GRIA1: variants seen among roughly 807,000 people sequenced by gnomAD.
GRIA1 encodes the protein glutamate receptor 1.
GRIA1 carries 31 observed loss-of-function variants against 99.2 expected under a neutral mutation model. The ratio of observed to expected loss-of-function variants is 0.31; its 90% CI spans 0.23 to 0.42. GRIA1 has a LOEUF of 0.42. Among genes scored for constraint, GRIA1 ranks in the 10% least tolerant of loss-of-function variants. The probability of loss-of-function intolerance (pLI) is 1.00; values close to 1 mark genes in which losing one functional copy is unlikely to be tolerated. For missense variants in GRIA1, 782 were observed against 1,157.5 expected (o/e 0.68, Z 4.71); for synonymous variants, 438 against 432.4 (o/e 1.01, Z -0.16).
At chr5:153,633,807 G>T (rs1753146243) in intron 2 of GRIA1, among the ~76,000 whole-genome samples, 1 of 152,126 alleles carries the variant, frequency 6.6e-6, no homozygotes, top group Non-Finnish European at 1.5e-5. Context: ...CAGCTTACTT[G>T]GTCATTTATG....
At chr5:153,777,399 C>G (rs1428177198) in intron 13 of GRIA1, among the ~76,000 whole-genome samples, 4 of 152,146 alleles carry the variant, frequency 2.6e-5, no homozygotes, top group Non-Finnish European at 5.9e-5. Context: ...GTATAAGGCC[C>G]GTTACCTTGC....
intron 14 of GRIA1, 22 bp downstream of exon 14, chr5:153,794,757 A>T: frequency 1.4e-6 from 2 of 1,458,374 alleles, no homozygotes; most frequent in Middle Eastern, 3.5e-4. Context: ...TAAGAAAAAA[A>T]AAAACCTAGT....
chr5:153,680,379 G>A (rs973681292), intron 7 of GRIA1, among the ~76,000 whole-genome samples: 1 of 152,106 alleles, frequency 6.6e-6, no homozygotes, highest in African/African-American at 2.4e-5. Context: ...ATGCTCATAT[G>A]TCGCCTTCTG....
intron 2 of GRIA1, among the ~76,000 whole-genome samples, chr5:153,522,392 G>A (rs1236627789): frequency 2.0e-5 from 3 of 152,158 alleles, no homozygotes; most frequent in Admixed American, 2.0e-4. Flanking sequence ...TTTGATGAAT[G>A]GTGGAGAGGG....
rs947637609 is a variant in GRIA1 at position 153,707,277 on chromosome 5, T to C, written c.1823+1210T>C. 4.5e-4 allele frequency among the ~76,000 whole-genome samples: 68 copies of C among 152,218 alleles called. 1 individual carries two copies. Among genetic ancestry groups the C allele is most frequent in the Non-Finnish European group, 1.0e-4 (7 of 68,014 alleles). ...TTATATATTGGACTTGTGAACACAA[T>C]TTATTTTGGGAAAAAAAAGTGACTG... On this transcript the variant is annotated intron_variant, in intron 11 of 15. Coordinates refer to ENST00000285900, the MANE Select transcript of GRIA1 (RefSeq NM_000827.4).
At chr5:153,687,034 C>T (rs1757390569) in intron 8 of GRIA1, among the ~76,000 whole-genome samples, 1 of 149,474 alleles carries the variant, frequency 6.7e-6, no homozygotes, top group Non-Finnish European at 1.5e-5. Flanking sequence ...CTGGGACTTC[C>T]TCCCCCCATC....
intron 10 of GRIA1, among the ~76,000 whole-genome samples, chr5:153,704,793 T>A (rs1308103376): frequency 6.6e-6 from 1 of 152,136 alleles, no homozygotes; most frequent in Non-Finnish European, 1.5e-5. Context: ...AATGAATCCC[T>A]CCCTGGTCTC....
Position 153,677,138 on chromosome 5 carries a change from G to A in GRIA1, c.1006G>A (p.Asp336Asn). 4.6e-6 allele frequency: 7 copies of A among 1,538,256 alleles called. No homozygotes were observed. Among genetic ancestry groups the A allele is most frequent in the Non-Finnish European group, 4.4e-6 (5 of 1,134,208 alleles). Residue 336 changes from aspartate to asparagine, a missense_variant, in exon 7 of 16, where the codon GAC becomes AAC. This residue lies in a region of GRIA1 where 461 missense variants were observed against 521.7 expected (regional missense o/e 0.88). Coordinates refer to ENST00000285900, the MANE Select transcript of GRIA1 (RefSeq NM_000827.4). ...AGCTGTTCCCTGGGGCCAAGGGATC[G>A]ACATCCAGAGAGCTCTGCAGCAGGT... Reference protein sequence around the residue: ...NPAVPWGQGIDIQRALQQVRF... With the variant: ...NPAVPWGQGINIQRALQQVRF...
intron 2 of GRIA1, among the ~76,000 whole-genome samples, chr5:153,600,424 G>A (rs1266131454): frequency 6.9e-5 from 3 of 43,178 alleles, no homozygotes; most frequent in Non-Finnish European, 1.6e-4. Flanking sequence ...AAAGTATGGA[G>A]TTTGTAAGGA....
intron 11 of GRIA1, among the ~76,000 whole-genome samples, chr5:153,731,376 A>G (rs1475026025): frequency 6.6e-6 from 1 of 150,894 alleles, no homozygotes; most frequent in Admixed American, 6.6e-5. Context: ...TCTCTAATAT[A>G]CTCCTTCTTC....
intron 11 of GRIA1, among the ~76,000 whole-genome samples, chr5:153,725,481 G>T (rs1044534800): frequency 7.8e-6 from 1 of 128,402 alleles, no homozygotes; most frequent in Non-Finnish European, 1.6e-5. Flanking sequence ...CCATCAGTGT[G>T]CTGTATTCAG....
At chr5:153,732,529 A>G (rs1047767278) in intron 11 of GRIA1, among the ~76,000 whole-genome samples, 2 of 152,022 alleles carry the variant, frequency 1.3e-5, no homozygotes, top group African/African-American at 2.4e-5. Flanking sequence ...TCTTTTTTGG[A>G]AAAATAGCTA....
intron 10 of GRIA1, among the ~76,000 whole-genome samples, chr5:153,703,806 G>A (rs1758696274): frequency 6.6e-6 from 1 of 152,126 alleles, no homozygotes; most frequent in African/African-American, 2.4e-5. Flanking sequence ...ACATTAGGAA[G>A]CATCCAACAA....
At chr5:153,589,035 G>A (rs1763737891) in intron 2 of GRIA1, among the ~76,000 whole-genome samples, 1 of 151,982 alleles carries the variant, frequency 6.6e-6, no homozygotes, top group Admixed American at 6.6e-5. Context: ...TTCTAAGTGA[G>A]GGAAAAAAGA....
chr5:153,571,362 A>G (rs1762103831), intron 2 of GRIA1, among the ~76,000 whole-genome samples: 3 of 152,302 alleles, frequency 2.0e-5, no homozygotes, highest in South Asian at 4.1e-4. Context: ...AAAGGCCCCA[A>G]GTAGCAAATA....
At chr5:153,688,272 C>T (rs776932530) in intron 8 of GRIA1, among the ~76,000 whole-genome samples, 12 of 152,132 alleles carry the variant, frequency 7.9e-5, no homozygotes, top group East Asian at 3.9e-4. Flanking sequence ...CCACTGGGAA[C>T]GTATCCACTT....
intron 2 of GRIA1, among the ~76,000 whole-genome samples, chr5:153,590,913 A>G (rs2149386179): frequency 6.6e-6 from 1 of 152,264 alleles, no homozygotes; most frequent in East Asian, 1.9e-4. Context: ...ATTATTTGTA[A>G]GAGTGTGAAA....
intron 6 of GRIA1, among the ~76,000 whole-genome samples, 170 bp from the exon 7 acceptor site, chr5:153,676,823 CT>C (rs1387363855): frequency 3.3e-5 from 5 of 152,162 alleles, no homozygotes; most frequent in Admixed American, 2.6e-4. Context: ...AATATTTATG[CT>C]TCTCAGGGAC....
chr5:153,623,258 C>T (rs945681598), intron 2 of GRIA1, among the ~76,000 whole-genome samples: 1 of 152,142 alleles, frequency 6.6e-6, no homozygotes, highest in Non-Finnish European at 1.5e-5. Context: ...AATGTCTTCC[C>T]TGGGTTCAGA....
Sources: allele counts gnomAD v4.1 joint callset (sites outside exome capture counted in the v4.1 genomes callset), GRCh38; gene constraint gnomAD v4.1.1; regional missense constraint gnomAD v4.1.1; transcripts MANE v1.5; gene names NCBI Gene and HGNC (gene_info 2026-07-23, HGNC 2026-07-21).